The following NUP153 variants were observed in gnomAD, a reference collection of about 807,000 sequenced individuals.
NUP153 encodes nucleoporin 153.
In NUP153, 27 loss-of-function variants were observed where a neutral mutation model predicts 134.6. The ratio of observed to expected loss-of-function variants is 0.20; its 90% CI spans 0.15 to 0.28. NUP153 has a LOEUF of 0.28. Among genes scored for constraint, NUP153 ranks in the 10% least tolerant of loss-of-function variants. NUP153 has a pLI of 1.00. For synonymous variants in NUP153, 640 were observed against 623.5 expected (o/e 1.03, Z -0.40); for missense variants, 1,821 against 1,731.3 (o/e 1.05, Z -0.92).
At chr6:17,668,814 G>A (rs1459293822) in intron 8 of NUP153, among the ~76,000 whole-genome samples, 161 bp downstream of exon 8, 1 of 151,762 alleles carries the variant, frequency 6.6e-6, no homozygotes. Flanking sequence ...CTGCACACCA[G>A]TCTGGATGAC....
intron 9 of NUP153, among the ~76,000 whole-genome samples, chr6:17,663,260 C>CACACATATATATAT (rs1389702878): frequency 1.4e-5 from 2 of 139,996 alleles, no homozygotes; most frequent in Non-Finnish European, 3.1e-5. Context: ...CACACACACA[C>CACACATATATATAT]ATATATATAT....
Position 17,647,962 on chromosome 6 carries a change from T to A in NUP153, c.1534-57A>T. 6.2e-6 allele frequency: 7 copies of A among 1,131,736 alleles called. No individual in the cohort carries two copies. The Admixed American group carries it at 7.7e-5, about 13-fold the overall frequency. 70.1% of individuals were successfully genotyped at this position (1,131,736 alleles called of 1,614,324 possible). A position where few individuals can be genotyped will look rare whatever the true frequency, so the allele number is the denominator to read the frequency against. On this transcript the variant is annotated intron_variant, in intron 12 of 21. Coordinates refer to ENST00000262077, the MANE Select transcript of NUP153 (RefSeq NM_005124.4). The stretch of plus-strand genomic sequence containing the variant: ...AAAAGAGCTTTTTAGAAAAATAAAG[T>A]GACAAAAAAGACATTAAGCAAACTG...
chr6:17,659,209 T>C (rs959815858), intron 11 of NUP153, among the ~76,000 whole-genome samples: 2 of 152,236 alleles, frequency 1.3e-5, no homozygotes, highest in South Asian at 4.1e-4. Flanking sequence ...GGGAAAACAC[T>C]TCCGCAACAG....
chr6:17,701,483 G>A (rs1022853855), intron 1 of NUP153, among the ~76,000 whole-genome samples: 1 of 151,698 alleles, frequency 6.6e-6, no homozygotes, highest in African/African-American at 2.4e-5. Context: ...CCAAGATGGT[G>A]AAACCCTGTC....
Position 17,637,836 on chromosome 6 carries a change from T to C in NUP153, c.1847-66A>G, listed in dbSNP as rs1765639301. On this transcript the variant is annotated intron_variant, in intron 15 of 21. Coordinates refer to ENST00000262077, the MANE Select transcript of NUP153 (RefSeq NM_005124.4). ...TTATAAATCAAAGCATTAATTTGATTATTATTACTGAGAAGACGTTTACCT... is the reference window on the plus strand; with the variant it reads ...TTATAAATCAAAGCATTAATTTGATCATTATTACTGAGAAGACGTTTACCT... 1.7e-5 allele frequency: 25 copies of C among 1,496,760 alleles called. No homozygotes were observed. In the East Asian group the frequency reaches 5.8e-4, roughly 35 times the overall value. 92.7% of individuals were successfully genotyped at this position (1,496,760 alleles called of 1,614,324 possible). A position where few individuals can be genotyped will look rare whatever the true frequency, so the allele number is the denominator to read the frequency against.
chr6:17,670,253 T>C (rs1327847265), intron 5 of NUP153, among the ~76,000 whole-genome samples: 5 of 152,116 alleles, frequency 3.3e-5, no homozygotes, highest in East Asian at 1.9e-4. Context: ...CTGTTAATTA[T>C]ATATGGGAGA....
Position 17,698,692 on chromosome 6 carries a change from C to T in NUP153, c.111+7585G>A, listed in dbSNP as rs987809090. 1.0e-4 allele frequency among the ~76,000 whole-genome samples: 15 copies of T among 148,870 alleles called. No homozygotes were observed. In the South Asian group the frequency reaches 1.8e-3, roughly 17 times the overall value. ...GGCAGAGCTTGCAGTGAGCCGAGAT[C>T]GCGCCACTACACTCCAGCTTGGGCG... On this transcript the variant is annotated intron_variant, in intron 1 of 21. Transcript: ENST00000262077.
In NUP153 at chr6:17,639,979, G is replaced by C; in HGVS notation, c.1806C>G (p.Ile602Met). 1.2e-6 allele frequency: 2 copies of C among 1,612,814 alleles called. No individual in the cohort carries two copies. Among genetic ancestry groups the C allele is most frequent in the Non-Finnish European group, 1.7e-6 (2 of 1,179,340 alleles). Residue 602 changes from isoleucine (I) to methionine (M), a missense_variant, in exon 15 of 22, where the codon ATC becomes ATG. Physicochemically the swap from Ile to Met is conservative, Grantham distance 10 (BLOSUM62 1). Coordinates refer to ENST00000262077, the MANE Select transcript of NUP153 (RefSeq NM_005124.4). ...TATCTAGAACACTTCCTTCTTTCAG[G>C]ATTTCTGCAGGTCTAAAAGGACCCT... ...DCEGPFRPAEILKEGSVLDIL... is the reference protein window; with the variant it reads ...DCEGPFRPAEMLKEGSVLDIL...
In NUP153 at chr6:17,637,194, G is replaced by A; in HGVS notation, c.2423C>T (p.Ala808Val). 1 of 1,614,012 alleles carries A rather than the reference G, an allele frequency of 6.2e-7. No individual in the cohort carries two copies. The highest frequency in any genetic ancestry group is 8.5e-7 in the Non-Finnish European group (1 of 1,179,902). The change falls in exon 16 of 22, where the codon GCA becomes GTA. Residue 808 changes from alanine (A) to valine (V), a missense_variant. Ala to Val is a moderately conservative substitution (Grantham distance 64, BLOSUM62 0). Transcript: ENST00000262077. ...ECSVCCVSNN[A>V]EDNKCVSCMS... ...ACAGGACACACACTTATTGTCTTCTGCATTATTAGAAACACAGCATACTGA... is the reference window on the plus strand; with the variant it reads ...ACAGGACACACACTTATTGTCTTCTACATTATTAGAAACACAGCATACTGA...
chr6:17,645,123 G>A (rs1766080235), intron 14 of NUP153, among the ~76,000 whole-genome samples: 1 of 151,788 alleles, frequency 6.6e-6, no homozygotes, highest in South Asian at 2.1e-4. Flanking sequence ...CAGGGTGGCA[G>A]GCACCTGTAA....
intron 11 of NUP153, among the ~76,000 whole-genome samples, chr6:17,651,118 G>C (rs1766473223): frequency 6.6e-6 from 1 of 152,076 alleles, no homozygotes; most frequent in South Asian, 2.1e-4. Context: ...GGGCAACACA[G>C]CAAGACCCCG....
At chr6:17,699,781 G>T (rs1252942344) in intron 1 of NUP153, among the ~76,000 whole-genome samples, 1 of 152,068 alleles carries the variant, frequency 6.6e-6, no homozygotes, top group Non-Finnish European at 1.5e-5. Flanking sequence ...ACTGCAGTGA[G>T]CCAAGATCAC....
intron 1 of NUP153, among the ~76,000 whole-genome samples, chr6:17,689,793 G>C (rs569649733): frequency 6.6e-5 from 10 of 152,020 alleles, no homozygotes; most frequent in African/African-American, 2.2e-4. Context: ...CCAAAGTGCT[G>C]GGATTACAAG....
chr6:17,616,332 CA>C (rs1764322325), intron 21 of NUP153, 151 bp from the exon 22 acceptor site: 9 of 725,706 alleles, frequency 1.2e-5, no homozygotes, highest in Non-Finnish European at 2.0e-5. Context: ...CTACACCTAA[CA>C]CACACGCTAC....
At position 17,638,659 on chromosome 6, in the gene NUP153, TC is replaced by T. The variant is rs1307686360; in HGVS notation, c.1847-890del. ...CTTTTTCTTCTACTTTTTCAGATTT[TC>T]CTAATTTCAGTCAAATGAAGATTCT... is the stretch of plus-strand genomic sequence containing the variant. On this transcript the variant is annotated intron_variant, in intron 15 of 21. Transcript: ENST00000262077. The surrounding 1 kb of genome is among the most constrained non-coding windows in gnomAD (Gnocchi z 4.0). Among the ~76,000 whole-genome samples, 3 of 152,206 alleles carry T rather than the reference TC, an allele frequency of 2.0e-5. No individual in the cohort carries two copies. The highest frequency in any genetic ancestry group is 2.9e-5 in the Non-Finnish European group (2 of 68,034).
At chr6:17,620,871 T>C (rs890442897) in intron 20 of NUP153, among the ~76,000 whole-genome samples, 12 of 152,116 alleles carry the variant, frequency 7.9e-5, no homozygotes, top group Non-Finnish European at 1.3e-4. Context: ...CAAGAGGGAC[T>C]ATATTAAACT....
intron 1 of NUP153, among the ~76,000 whole-genome samples, chr6:17,698,575 A>T (rs1769817232): frequency 6.6e-6 from 1 of 152,058 alleles, no homozygotes; most frequent in South Asian, 2.1e-4. Context: ...CATCTCTACT[A>T]AGAATACAAA....
chr6:17,619,638 C>T (rs949997293), intron 20 of NUP153: 4 of 152,052 alleles, frequency 2.6e-5, no homozygotes, highest in Non-Finnish European at 5.9e-5. Context: ...TATTTTTAAA[C>T]TAAAAACTGA....
At position 17,638,497 on chromosome 6, in the gene NUP153, C is replaced by T. The variant is rs1765677555; in HGVS notation, c.1847-727G>A. Among the ~76,000 whole-genome samples, 1 of 152,150 alleles carries T rather than the reference C, an allele frequency of 6.6e-6. No individual in the cohort carries two copies. Among genetic ancestry groups the T allele is most frequent in the Non-Finnish European group, 1.5e-5 (1 of 68,028 alleles). On this transcript the variant is annotated intron_variant, in intron 15 of 21. Transcript: ENST00000262077. This position sits in a 1 kb window ranked among gnomAD's most constrained non-coding sequence, Gnocchi z 4.0. ...TTCCACAAAATAATCCAGCCTAGAG[C>T]TATTTTTAGCTTAAGGACAAAATAC...
Sources: allele counts gnomAD v4.1 joint callset (sites outside exome capture counted in the v4.1 genomes callset), GRCh38; gene constraint gnomAD v4.1.1; non-coding constraint Gnocchi (gnomAD v3.1); transcripts MANE v1.5; gene names NCBI Gene and HGNC (gene_info 2026-07-23, HGNC 2026-07-21).